Variants in FHOD3 observed in about 807,000 individuals in gnomAD.
The protein encoded by FHOD3 is FH1/FH2 domain-containing protein 3.
FHOD3 carries 90 observed loss-of-function variants against 173.0 expected under a neutral mutation model. That is an observed-to-expected ratio of 0.52 (90% CI 0.44 to 0.62). FHOD3 has a LOEUF of 0.62. Among genes scored for constraint, FHOD3 ranks in the 20% least tolerant of loss-of-function variants. FHOD3 has a pLI of 0.00. For synonymous variants in FHOD3, 828 were observed against 823.0 expected (o/e 1.01, Z -0.10); for missense variants, 1,945 against 2,034.7 (o/e 0.96, Z 0.85).
intron 1 of FHOD3, among the ~76,000 whole-genome samples, chr18:36,325,171 G>T (rs539803125): frequency 6.6e-6 from 1 of 152,156 alleles, no homozygotes; most frequent in Admixed American, 6.5e-5. Flanking sequence ...TTGGAGAGGA[G>T]GGGGTTTTGA....
chr18:36,755,162 A>C lies in FHOD3; in HGVS notation c.4276A>C (p.Ile1426Leu). 2 of 1,611,574 alleles carry C rather than the reference A, an allele frequency of 1.2e-6. No homozygotes were observed. The highest frequency in any genetic ancestry group is 1.7e-6 in the Non-Finnish European group (2 of 1,179,058). Residue 1426 changes from isoleucine to leucine, a missense_variant, in exon 25 of 29, where the codon ATT becomes CTT. Physicochemically the swap from Ile to Leu is conservative, Grantham distance 5. Transcript: ENST00000590592. ...CTTTATGGGCCATCCACCTTATGCA[A>C]TTCGGGAAGTGAACATAAACAAATT... Reference protein sequence around the residue: ...LLFMGHPPYAIREVNINKFCR... With the variant: ...LLFMGHPPYALREVNINKFCR...
chr18:36,542,719 T>C (rs1874382), intron 5 of FHOD3, among the ~76,000 whole-genome samples: 80,332 of 152,046 alleles, frequency 0.53, 21,405 homozygotes, highest in South Asian at 0.59. Flanking sequence ...ATGATTTCCT[T>C]TTAAAGGGGA....
rs558250773 is a variant in FHOD3 at position 36,615,209 on chromosome 18, A to T, written c.957+3114A>T. Among the ~76,000 whole-genome samples, 4 of 152,224 alleles carry T rather than the reference A, an allele frequency of 2.6e-5. No individual in the cohort carries two copies. The South Asian group carries it at 8.3e-4, about 32-fold the overall frequency. On this transcript the variant is annotated intron_variant, in intron 9 of 28. Coordinates refer to ENST00000590592, the MANE Select transcript of FHOD3 (RefSeq NM_001281740.3). Reference sequence around the variant, plus strand: ...TCTATATTCTGGATACTAGACCCTTATCAGATATATAATTTGAAAATATTT... The same window carrying T: ...TCTATATTCTGGATACTAGACCCTTTTCAGATATATAATTTGAAAATATTT...
At chr18:36,775,717 T>C (rs1350901141) in intron 28 of FHOD3, among the ~76,000 whole-genome samples, 4 of 152,286 alleles carry the variant, frequency 2.6e-5, no homozygotes, top group South Asian at 2.1e-4. Context: ...TGGGTGTTTT[T>C]CCTGAGTCCC....
intron 10 of FHOD3, among the ~76,000 whole-genome samples, chr18:36,627,459 T>A (rs1050100773): frequency 1.3e-5 from 2 of 152,194 alleles, no homozygotes; most frequent in African/African-American, 4.8e-5. Flanking sequence ...TGGACCATCC[T>A]GGGCACGGTT....
At chr18:36,427,247 G>C (rs1212472018) in intron 3 of FHOD3, among the ~76,000 whole-genome samples, 1 of 131,940 alleles carries the variant, frequency 7.6e-6, no homozygotes, top group East Asian at 2.4e-4. Context: ...ACTGCCAGCA[G>C]AGGAATTCAT....
At chr18:36,435,362 A>T (rs980427615) in intron 3 of FHOD3, among the ~76,000 whole-genome samples, 2 of 152,150 alleles carry the variant, frequency 1.3e-5, no homozygotes, top group Non-Finnish European at 2.9e-5. Flanking sequence ...TTACATGTAA[A>T]ACAAATTATT....
chr18:36,542,164 A>C (rs2057249158), intron 5 of FHOD3, among the ~76,000 whole-genome samples: 1 of 152,120 alleles, frequency 6.6e-6, no homozygotes, highest in South Asian at 2.1e-4. Flanking sequence ...CTCTTTGGAG[A>C]GTGAGTACCA....
At chr18:36,570,412 T>C (rs561539458) in intron 5 of FHOD3, among the ~76,000 whole-genome samples, 2 of 152,170 alleles carry the variant, frequency 1.3e-5, no homozygotes, top group South Asian at 4.1e-4. Context: ...CAGTTAACCT[T>C]CTTAACAAAA....
At chr18:36,452,400 C>CT (rs1406680963) in intron 3 of FHOD3, among the ~76,000 whole-genome samples, 5 of 152,272 alleles carry the variant, frequency 3.3e-5, no homozygotes, top group African/African-American at 1.2e-4. Flanking sequence ...AACAGAATGG[C>CT]TATCCCTTTA....
intron 17 of FHOD3, among the ~76,000 whole-genome samples, 173 bp downstream of exon 17, chr18:36,693,596 G>A (rs1469697155): frequency 7.9e-5 from 12 of 152,166 alleles, no homozygotes; most frequent in Admixed American, 2.0e-4. Flanking sequence ...CAAACTAGAC[G>A]TCTTCAGAGC....
rs73949847 is a variant in FHOD3 at position 36,674,104 on chromosome 18, A to G, written c.1836-7332A>G. On this transcript the variant is annotated intron_variant, in intron 14 of 28. Transcript: ENST00000590592. ...CAGAGTATATTTTCAAAAGGAAGGA[A>G]AGTCAAAAATTCTGATACTGGGTTT... Among the ~76,000 whole-genome samples the G allele has an allele frequency of 2.5e-3, 387 of 152,334 alleles. 3 individuals are homozygous for G. The highest frequency in any genetic ancestry group is 8.7e-3 in the African/African-American group (361 of 41,568).
chr18:36,447,224 C>G (rs1269661563), intron 3 of FHOD3, among the ~76,000 whole-genome samples: 1 of 152,204 alleles, frequency 6.6e-6, no homozygotes, highest in Admixed American at 6.5e-5. Context: ...TGCAGTATCT[C>G]ATTCTCCAGG....
chr18:36,448,570 T>C (rs1444102313), intron 3 of FHOD3, among the ~76,000 whole-genome samples: 1 of 152,124 alleles, frequency 6.6e-6, no homozygotes, highest in Non-Finnish European at 1.5e-5. Flanking sequence ...TTCCCAAGCA[T>C]TTTATACACA....
chr18:36,373,735 G>A (rs577750798), intron 3 of FHOD3, among the ~76,000 whole-genome samples: 1 of 152,350 alleles, frequency 6.6e-6, no homozygotes, highest in South Asian at 2.1e-4. Context: ...AGTAAGATCT[G>A]TAGGACCTCC....
chr18:36,368,881 C>T (rs978077317), intron 2 of FHOD3, among the ~76,000 whole-genome samples: 5 of 152,050 alleles, frequency 3.3e-5, no homozygotes, highest in Non-Finnish European at 7.4e-5. Flanking sequence ...GGAAACCACC[C>T]CCCTGATCCA....
intron 14 of FHOD3, among the ~76,000 whole-genome samples, chr18:36,676,149 T>C (rs2037842281): frequency 6.6e-6 from 1 of 152,166 alleles, no homozygotes; most frequent in Admixed American, 6.5e-5. Flanking sequence ...TTTCCCTTCT[T>C]CCCCAGAGAT....
At chr18:36,761,312 G>A (rs978805581) in intron 27 of FHOD3, among the ~76,000 whole-genome samples, 4 of 152,108 alleles carry the variant, frequency 2.6e-5, no homozygotes, top group Admixed American at 2.0e-4. Flanking sequence ...TCAAAATGGC[G>A]GCCAGATTCG....
At position 36,652,683 on chromosome 18, in the gene FHOD3, G is replaced by T; in HGVS notation, c.1400G>T (p.Gly467Val). The T allele has an allele frequency of 6.5e-7, 1 of 1,535,730 alleles. No individual in the cohort carries two copies. Residue 467 changes from glycine (G) to valine (V), a missense_variant, in exon 12 of 29, where the codon GGC becomes GTC. By Grantham distance (109) the Gly-to-Val change is moderately radical (BLOSUM62 -3). Coordinates refer to ENST00000590592, the MANE Select transcript of FHOD3 (RefSeq NM_001281740.3). ...TCGCAGGGAAAGCCGCTTCTGGTTGGCACTGCAGGCGGGACCACCTGGCAC... is the reference window on the plus strand; with the variant it reads ...TCGCAGGGAAAGCCGCTTCTGGTTGTCACTGCAGGCGGGACCACCTGGCAC... ...ASSQGKPLLV[G>V]TAGGTTWHSG...
Sources: gnomAD v4.1 joint callset for allele counts (sites outside exome capture counted in the v4.1 genomes callset) on GRCh38, gnomAD v4.1.1 for gene constraint, MANE v1.5 for transcripts, NCBI Gene and HGNC (gene_info 2026-07-23, HGNC 2026-07-21) for gene names.